The following CDH18 variants were observed in gnomAD, a reference collection of about 807,000 sequenced individuals.
The protein encoded by CDH18 is cadherin 18.
CDH18 carries 31 observed loss-of-function variants against 67.9 expected under a neutral mutation model. That is an observed-to-expected ratio of 0.46 (90% CI 0.34 to 0.62). The LOEUF (loss-of-function observed/expected upper bound fraction) is 0.62. Among genes scored for constraint, CDH18 ranks in the 20% least tolerant of loss-of-function variants. The probability of loss-of-function intolerance (pLI) is 0.01; values close to 1 mark genes in which losing one functional copy is unlikely to be tolerated. For synonymous variants in CDH18, 362 were observed against 347.2 expected, an observed-to-expected ratio of 1.04 and a Z score of -0.48; for missense variants, 890 against 975.5, an observed-to-expected ratio of 0.91 and a Z score of 1.17.
chr5:19,629,131 C>T (rs891618943), intron 5 of CDH18, among the ~76,000 whole-genome samples: 3 of 152,074 alleles, frequency 2.0e-5, no homozygotes, highest in Admixed American at 1.3e-4. Flanking sequence ...GAAAATGTTA[C>T]GTTAAGTGAA....
chr5:20,342,371 C>T (rs370726343), intron 1 of CDH18, among the ~76,000 whole-genome samples: 19 of 152,236 alleles, frequency 1.2e-4, no homozygotes, highest in African/African-American at 4.3e-4. Flanking sequence ...GGCTTTCCAC[C>T]TTTGTCTGAG....
intron 1 of CDH18, among the ~76,000 whole-genome samples, chr5:20,329,793 AAG>A: frequency 1.3e-5 from 2 of 149,748 alleles, no homozygotes; most frequent in African/African-American, 2.5e-5. Flanking sequence ...AAAAAAAAAA[AAG>A]AGTAAGCCTT....
intron 7 of CDH18, among the ~76,000 whole-genome samples, chr5:19,578,228 A>G (rs1742642750): frequency 2.0e-5 from 3 of 152,206 alleles, no homozygotes; most frequent in Non-Finnish European, 4.4e-5. Context: ...GAAACATAGT[A>G]GAAATTTTCT....
chr5:20,208,468 G>A lies in CDH18; in HGVS notation c.-518+46976C>T, dbSNP rs566321265. On this transcript the variant is annotated intron_variant, in intron 2 of 14. Transcript: ENST00000507958. ...ACCATATCACAACAATATACAATCC[G>A]GAGAGGACAGTGTCTTCAATCAACA... Among the ~76,000 whole-genome samples, 7 of 151,986 alleles carry A rather than the reference G, an allele frequency of 4.6e-5. No individual in the cohort carries two copies. In the South Asian group the frequency reaches 6.2e-4, roughly 14 times the overall value.
At chr5:20,215,015 A>T (rs1740647716) in intron 2 of CDH18, among the ~76,000 whole-genome samples, 1 of 152,124 alleles carries the variant, frequency 6.6e-6, no homozygotes, top group Admixed American at 6.6e-5. Context: ...ACCTCATTAA[A>T]AAGTTGGCAA....
chr5:19,853,616 T>C (rs1344864438), intron 2 of CDH18, among the ~76,000 whole-genome samples: 1 of 152,100 alleles, frequency 6.6e-6, no homozygotes, highest in Non-Finnish European at 1.5e-5. Flanking sequence ...TAGGAGTAAA[T>C]CACAGCAAAA....
In CDH18 at chr5:20,011,615, T is replaced by C. The variant is rs566408693; in HGVS notation, c.-517-19601A>G. Among the ~76,000 whole-genome samples the C allele has an allele frequency of 2.0e-5, 3 of 152,300 alleles. No individual in the cohort carries two copies. In the South Asian group the frequency reaches 6.2e-4, roughly 32 times the overall value. On this transcript the variant is annotated intron_variant, in intron 2 of 14. Transcript: ENST00000507958. ...TTTGTCATACATGGCTCTTATTATT[T>C]TAAGGTATGTTCTTTCAGTACCTAG...
chr5:19,848,939 G>A (rs747822747), intron 2 of CDH18, among the ~76,000 whole-genome samples: 26 of 149,362 alleles, frequency 1.7e-4, no homozygotes, highest in Non-Finnish European at 3.0e-4. Context: ...ATATATATGT[G>A]TATATATACA....
chr5:19,597,333 T>C (rs908359386), intron 6 of CDH18, among the ~76,000 whole-genome samples: 1 of 152,196 alleles, frequency 6.6e-6, no homozygotes, highest in African/African-American at 2.4e-5. Context: ...CCTACAGAAA[T>C]TGTGAAATAA....
At chr5:19,652,933 T>TA (rs1755787605) in intron 5 of CDH18, among the ~76,000 whole-genome samples, 1 of 152,146 alleles carries the variant, frequency 6.6e-6, no homozygotes, top group African/African-American at 2.4e-5. Flanking sequence ...TATTGGAGGG[T>TA]AAAAAAATCT....
rs192770066 is a variant in CDH18 at position 19,901,179 on chromosome 5, A to T, written c.-256-61937T>A. On this transcript the variant is annotated intron_variant, in intron 2 of 12. Transcript: ENST00000382275. ...ATGATGTTTTGATATAACTCTGACT[A>T]CTTTAAATATAAATCAATGTATTAT... 2.8e-3 allele frequency among the ~76,000 whole-genome samples: 431 copies of T among 152,250 alleles called. 2 individuals are homozygous for T. The highest frequency in any genetic ancestry group is 0.01 in the African/African-American group (416 of 41,580).
At chr5:20,259,940 C>T (rs1450244097) in intron 1 of CDH18, among the ~76,000 whole-genome samples, 1 of 151,658 alleles carries the variant, frequency 6.6e-6, no homozygotes, top group Admixed American at 6.6e-5. Flanking sequence ...GAGATGCCTA[C>T]CAAAAATGGC....
intron 5 of CDH18, among the ~76,000 whole-genome samples, chr5:19,706,308 C>G (rs985641731): frequency 6.6e-6 from 1 of 152,218 alleles, no homozygotes; most frequent in African/African-American, 2.4e-5. Flanking sequence ...AATGGCTGAT[C>G]GCCTAGTTGC....
intron 1 of CDH18, among the ~76,000 whole-genome samples, chr5:20,495,040 C>G (rs926601376): frequency 7.9e-5 from 12 of 152,138 alleles, no homozygotes; most frequent in African/African-American, 2.9e-4. Context: ...TGTGAAAGTA[C>G]AAGGCTGTAA....
intron 1 of CDH18, among the ~76,000 whole-genome samples, chr5:19,986,190 G>T (rs758015474): frequency 1.3e-5 from 2 of 152,152 alleles, no homozygotes; most frequent in Non-Finnish European, 2.9e-5. Context: ...ATATCTATTT[G>T]AAATCAGTCA....
chr5:20,424,344 C>A (rs1748110752), intron 1 of CDH18, among the ~76,000 whole-genome samples: 1 of 150,804 alleles, frequency 6.6e-6, no homozygotes, highest in African/African-American at 2.5e-5. Flanking sequence ...ACAGCACCAT[C>A]ATATTATCAT....
intron 1 of CDH18, among the ~76,000 whole-genome samples, chr5:20,431,504 A>AAAAAAAAAAAAAGAAG (rs536468948): frequency 2.9e-5 from 4 of 138,740 alleles, no homozygotes; most frequent in African/African-American, 5.4e-5. Context: ...AAAAAAAAAA[A>AAAAAAAAAAAAAGAAG]AAGAAGAAGA....
chr5:19,790,594 G>A (rs1210500591), intron 3 of CDH18, among the ~76,000 whole-genome samples: 1 of 152,116 alleles, frequency 6.6e-6, no homozygotes, highest in Non-Finnish European at 1.5e-5. Flanking sequence ...AAAGCTAAAA[G>A]GAGTAGTGGT....
chr5:20,284,637 C>T (rs986147808), intron 1 of CDH18, among the ~76,000 whole-genome samples: 1 of 151,914 alleles, frequency 6.6e-6, no homozygotes, highest in African/African-American at 2.4e-5. Context: ...GCACCTAAAA[C>T]ACTTAGTACG....
Sources: allele counts gnomAD v4.1 joint callset (sites outside exome capture counted in the v4.1 genomes callset), GRCh38; gene constraint gnomAD v4.1.1; transcripts MANE v1.5; gene names NCBI Gene and HGNC (gene_info 2026-07-23, HGNC 2026-07-21).